Variants in ANK3 observed in about 807,000 individuals in gnomAD.
The protein encoded by ANK3 is ankyrin 3.
A neutral mutation model predicts 370.9 loss-of-function variants in ANK3; 57 were observed. That is an observed-to-expected ratio of 0.15 (90% CI 0.12 to 0.19). The LOEUF is 0.19. Ranked by LOEUF, ANK3 falls within the 10% of genes least tolerant of loss-of-function variation. The probability of loss-of-function intolerance (pLI) is 1.00; values close to 1 mark genes in which losing one functional copy is unlikely to be tolerated. For synonymous variants in ANK3, 1,929 were observed against 1,946.3 expected (o/e 0.99, Z 0.23); for missense variants, 4,439 against 5,302.1 (o/e 0.84, Z 5.06).
chr10:60,157,384 G>T (rs1296268146), intron 23 of ANK3, among the ~76,000 whole-genome samples: 2 of 151,000 alleles, frequency 1.3e-5, no homozygotes, highest in East Asian at 3.9e-4. Context: ...GCCCAGGCTG[G>T]AGTGTAGTGG....
chr10:60,322,892 C>T (rs2048983464), intron 1 of ANK3, among the ~76,000 whole-genome samples: 1 of 152,204 alleles, frequency 6.6e-6, no homozygotes, highest in Non-Finnish European at 1.5e-5. Context: ...GATTTCTGAC[C>T]TGTAACTGGA....
At chr10:60,355,537 A>G (rs79161527) in intron 1 of ANK3, among the ~76,000 whole-genome samples, 4,143 of 152,248 alleles carry the variant, frequency 0.027, 94 homozygotes, top group Non-Finnish European at 0.038. Context: ...TTTAGTCACT[A>G]TGAGGTATCT....
chr10:60,547,089 C>CTTTTTTTT (rs5785455), intron 2 of ANK3, among the ~76,000 whole-genome samples: 1 of 120,778 alleles, frequency 8.3e-6, no homozygotes, highest in Non-Finnish European at 1.6e-5. Context: ...CAATGCAACT[C>CTTTTTTTT]TTTTTTTTTT....
At chr10:60,229,678 G>A (rs2097212062) in intron 8 of ANK3, among the ~76,000 whole-genome samples, 3 of 152,030 alleles carry the variant, frequency 2.0e-5, no homozygotes, top group South Asian at 2.1e-4. Context: ...TACATAAACC[G>A]GATGCCATTA....
chr10:60,442,094 T>C (rs535189946), intron 2 of ANK3, among the ~76,000 whole-genome samples: 1 of 140,644 alleles, frequency 7.1e-6, no homozygotes, highest in Non-Finnish European at 1.5e-5. Flanking sequence ...TCCTCCCATA[T>C]ACTTTTTTTT....
chr10:60,240,216 A>T (rs1290971780), intron 7 of ANK3, among the ~76,000 whole-genome samples: 3 of 140,634 alleles, frequency 2.1e-5, no homozygotes, highest in Non-Finnish European at 4.5e-5. Context: ...ATATATACAC[A>T]TATATATATA....
chr10:60,532,059 T>C (rs2076617593), intron 2 of ANK3, among the ~76,000 whole-genome samples: 1 of 152,096 alleles, frequency 6.6e-6, no homozygotes, highest in Non-Finnish European at 1.5e-5. Context: ...GTATTGCAGG[T>C]GAAACACAGG....
chr10:60,066,715 G>A (rs529364656), intron 38 of ANK3, among the ~76,000 whole-genome samples: 2 of 152,214 alleles, frequency 1.3e-5, no homozygotes, highest in East Asian at 3.9e-4. Context: ...TGGAATGTAT[G>A]TTGCTAATGG....
At chr10:60,708,702 C>A (rs192079301) in intron 1 of ANK3, among the ~76,000 whole-genome samples, 4 of 152,140 alleles carry the variant, frequency 2.6e-5, no homozygotes, top group Non-Finnish European at 2.9e-5. Flanking sequence ...TCCAGTACCC[C>A]CTAGCATTTC....
At position 60,592,659 on chromosome 10, in the gene ANK3, G is replaced by A. The variant is rs143181187; in HGVS notation, c.96+22527C>T. Reference sequence around the variant, plus strand: ...GTCACCTGTAATCCCAGCTACTCGGGAGGCTGAGGCAGAAGAATCACTTGA... The same window carrying A: ...GTCACCTGTAATCCCAGCTACTCGGAAGGCTGAGGCAGAAGAATCACTTGA... On this transcript the variant is annotated intron_variant, in intron 2 of 43. Coordinates refer to the ANK3 transcript ENST00000373827. Among the ~76,000 whole-genome samples, 652 of 152,312 alleles carry A rather than the reference G, an allele frequency of 4.3e-3. 7 individuals carry two copies. Among genetic ancestry groups the A allele is most frequent in the African/African-American group, 0.015 (618 of 41,570 alleles).
At chr10:60,348,327 A>G (rs564246118) in intron 1 of ANK3, among the ~76,000 whole-genome samples, 1 of 146,712 alleles carries the variant, frequency 6.8e-6, no homozygotes, top group South Asian at 2.3e-4. Context: ...TGTCATATGA[A>G]AGAAAACCCT....
At chr10:60,458,483 C>T (rs1269693394) in intron 2 of ANK3, among the ~76,000 whole-genome samples, 1 of 152,034 alleles carries the variant, frequency 6.6e-6, no homozygotes, top group Non-Finnish European at 1.5e-5. Context: ...AGGCAAATAC[C>T]AGCTGATTAT....
intron 2 of ANK3, among the ~76,000 whole-genome samples, chr10:60,500,709 T>A (rs2133142216): frequency 6.6e-6 from 1 of 152,290 alleles, no homozygotes; most frequent in Non-Finnish European, 1.5e-5. Context: ...ATCCTTAATC[T>A]GAACCTCTAT....
At chr10:60,098,875 G>C (rs1196911826) in intron 28 of ANK3, among the ~76,000 whole-genome samples, 1 of 152,150 alleles carries the variant, frequency 6.6e-6, no homozygotes, top group Non-Finnish European at 1.5e-5. Flanking sequence ...CGTGTAATAA[G>C]TGCTGATGAT....
At chr10:60,129,803 G>A (rs1016660802) in intron 25 of ANK3, among the ~76,000 whole-genome samples, 2 of 152,058 alleles carry the variant, frequency 1.3e-5, no homozygotes, top group Non-Finnish European at 2.9e-5. Flanking sequence ...AGTGATGCTC[G>A]TAAGTGGTCT....
intron 1 of ANK3, among the ~76,000 whole-genome samples, chr10:60,706,382 G>A (rs1040355378): frequency 3.9e-5 from 6 of 152,042 alleles, no homozygotes; most frequent in Non-Finnish European, 7.4e-5. Flanking sequence ...CTCCCAGCCG[G>A]AGAGATGTCA....
At chr10:60,334,177 T>C (rs1324900666) in intron 1 of ANK3, among the ~76,000 whole-genome samples, 2 of 152,220 alleles carry the variant, frequency 1.3e-5, no homozygotes, top group Non-Finnish European at 2.9e-5. Flanking sequence ...CTAATTATCT[T>C]ATACTTTTTC....
chr10:60,451,746 T>A (rs1207964214), intron 2 of ANK3, among the ~76,000 whole-genome samples: 1 of 152,182 alleles, frequency 6.6e-6, no homozygotes, highest in Non-Finnish European at 1.5e-5. Context: ...CCAAATGTGG[T>A]TGTCTTTGGG....
intron 1 of ANK3, among the ~76,000 whole-genome samples, chr10:60,291,629 G>T (rs557550548): frequency 6.6e-6 from 1 of 152,112 alleles, no homozygotes; most frequent in South Asian, 2.1e-4. Flanking sequence ...TTCCAAACAA[G>T]CAAAGACGGA....
Sources: allele counts gnomAD v4.1 joint callset (sites outside exome capture counted in the v4.1 genomes callset), GRCh38; gene constraint gnomAD v4.1.1; transcripts MANE v1.5; gene names NCBI Gene and HGNC (gene_info 2026-07-23, HGNC 2026-07-21).